The following RORB variants were observed in gnomAD, a reference collection of about 807,000 sequenced individuals.
RORB encodes the protein nuclear receptor ROR-beta.
RORB carries 6 observed loss-of-function variants against 59.1 expected under a neutral mutation model. The ratio of observed to expected loss-of-function variants is 0.10; its 90% CI spans 0.06 to 0.20. The LOEUF (loss-of-function observed/expected upper bound fraction) is 0.20. Ranked by LOEUF, RORB falls within the 10% of genes least tolerant of loss-of-function variation. RORB has a pLI of 1.00. For missense variants in RORB, 320 were observed against 560.5 expected, an observed-to-expected ratio of 0.57 and a Z score of 4.33; for synonymous variants, 215 against 204.5, an observed-to-expected ratio of 1.05 and a Z score of -0.44.
chr9:74,635,142 C>A (rs1037574178), intron 3 of RORB, among the ~76,000 whole-genome samples: 9 of 152,132 alleles, frequency 5.9e-5, no homozygotes, highest in African/African-American at 2.2e-4. Flanking sequence ...AGGACCACAT[C>A]TGAGTATGTT....
intron 1 of RORB, among the ~76,000 whole-genome samples, chr9:74,574,257 G>A (rs540771432): frequency 3.3e-5 from 5 of 152,148 alleles, no homozygotes; most frequent in South Asian, 4.1e-4. Flanking sequence ...TCAGTTTCAG[G>A]GGTCCTCCGT....
intron 1 of RORB, among the ~76,000 whole-genome samples, chr9:74,567,442 T>C (rs1822486007): frequency 6.6e-6 from 1 of 152,154 alleles, no homozygotes; most frequent in South Asian, 2.1e-4. Context: ...CACATTTTCT[T>C]CTTGGTTGCT....
intron 1 of RORB, among the ~76,000 whole-genome samples, chr9:74,625,341 T>C (rs1823493059): frequency 1.3e-5 from 2 of 152,176 alleles, no homozygotes; most frequent in Non-Finnish European, 2.9e-5. Flanking sequence ...AGACCCAGCA[T>C]GGTGGCTCAT....
At chr9:74,513,979 T>C (rs949913100) in intron 1 of RORB, among the ~76,000 whole-genome samples, 1 of 152,096 alleles carries the variant, frequency 6.6e-6, no homozygotes, top group African/African-American at 2.4e-5. Flanking sequence ...CCATGGTTTT[T>C]CAGGTCCGTA....
chr9:74,674,378 T>A (rs1350725656), intron 9 of RORB, among the ~76,000 whole-genome samples: 1 of 152,142 alleles, frequency 6.6e-6, no homozygotes, highest in Non-Finnish European at 1.5e-5. Flanking sequence ...GTACCCGAAA[T>A]GTTGTGTTGA....
intron 1 of RORB, among the ~76,000 whole-genome samples, chr9:74,590,525 G>A (rs1175358355): frequency 3.3e-5 from 5 of 152,070 alleles, no homozygotes; most frequent in Admixed American, 3.3e-4. Context: ...TTCCTCACCT[G>A]TACATGAAAT....
At chr9:74,625,705 A>G (rs563273858) in intron 1 of RORB, among the ~76,000 whole-genome samples, 1 of 152,330 alleles carries the variant, frequency 6.6e-6, no homozygotes, top group East Asian at 1.9e-4. Context: ...TAGAACCACT[A>G]CTTTAAGGAG....
chr9:74,568,525 C>A (rs1230624717), intron 1 of RORB, among the ~76,000 whole-genome samples: 5 of 151,670 alleles, frequency 3.3e-5, no homozygotes, highest in African/African-American at 1.2e-4. Context: ...GATGGTGAAA[C>A]CCCGTCTCTA....
At chr9:74,641,922 AT>A (rs1221645628) in intron 3 of RORB, among the ~76,000 whole-genome samples, 4 of 152,084 alleles carry the variant, frequency 2.6e-5, no homozygotes, top group African/African-American at 9.7e-5. Context: ...GAAAATTATT[AT>A]AAAAAATAAA....
intron 1 of RORB, among the ~76,000 whole-genome samples, chr9:74,513,441 C>A (rs898801050): frequency 6.6e-6 from 1 of 151,848 alleles, no homozygotes; most frequent in African/African-American, 2.4e-5. Flanking sequence ...TTTGCACCAA[C>A]CTAATAAATA....
At chr9:74,555,402 A>G (rs532181704) in intron 1 of RORB, among the ~76,000 whole-genome samples, 2 of 152,364 alleles carry the variant, frequency 1.3e-5, no homozygotes, top group South Asian at 4.1e-4. Context: ...GATGGAGAAG[A>G]ATCCAGAAAC....
rs187854657 is a variant in RORB, at chr9:74,565,186, A to T, written c.8-65096A>T. On this transcript the variant is annotated intron_variant, in intron 1 of 9. Coordinates refer to ENST00000376896, the MANE Select transcript of RORB (RefSeq NM_006914.4). ...GACATGAATACCAGATATCAGAATA[A>T]CTCTGAGCTAAAAACACCCAATCTT... 7.7e-3 allele frequency among the ~76,000 whole-genome samples: 1,168 copies of T among 152,288 alleles called. 15 individuals carry two copies. Among genetic ancestry groups the T allele is most frequent in the African/African-American group, 0.027 (1,104 of 41,560 alleles).
chr9:74,553,055 G>C (rs531436158), intron 1 of RORB, among the ~76,000 whole-genome samples: 2 of 152,238 alleles, frequency 1.3e-5, no homozygotes, highest in East Asian at 3.9e-4. Flanking sequence ...ACTTAGGGTG[G>C]ATGCGTTCGG....
chr9:74,600,029 T>C (rs1482824436), intron 1 of RORB, among the ~76,000 whole-genome samples: 1 of 152,196 alleles, frequency 6.6e-6, no homozygotes, highest in African/African-American at 2.4e-5. Flanking sequence ...GACTTATATC[T>C]ACCTCTCAGA....
chr9:74,514,021 C>A (rs1342503688), intron 1 of RORB, among the ~76,000 whole-genome samples: 4 of 152,068 alleles, frequency 2.6e-5, no homozygotes, highest in Admixed American at 1.3e-4. Context: ...TTAGAAACTG[C>A]ATTAGTCAAG....
intron 1 of RORB, among the ~76,000 whole-genome samples, chr9:74,622,603 T>C (rs1484155653): frequency 7.2e-6 from 1 of 138,880 alleles, no homozygotes; most frequent in Non-Finnish European, 1.5e-5. Context: ...CTCAGCTCAC[T>C]GCAACCTCCA....
intron 3 of RORB, among the ~76,000 whole-genome samples, chr9:74,635,627 C>T (rs895211829): frequency 6.6e-6 from 1 of 152,142 alleles, no homozygotes; most frequent in Non-Finnish European, 1.5e-5. Flanking sequence ...TCAGGCTCTG[C>T]TTAAAAGCAC....
intron 4 of RORB, among the ~76,000 whole-genome samples, chr9:74,655,890 G>A (rs866161885): frequency 1.3e-5 from 2 of 152,314 alleles, no homozygotes; most frequent in Middle Eastern, 6.8e-3. Flanking sequence ...GCTCACCTCT[G>A]CACTGCAGAA....
intron 1 of RORB, among the ~76,000 whole-genome samples, chr9:74,518,472 AGACT>A (rs1000571969): frequency 6.6e-6 from 1 of 151,984 alleles, no homozygotes; most frequent in African/African-American, 2.4e-5. Context: ...CACAAAAGAC[AGACT>A]GTCTTCTGGG....
Sources: gnomAD v4.1 joint callset for allele counts (sites outside exome capture counted in the v4.1 genomes callset) on GRCh38, gnomAD v4.1.1 for gene constraint, MANE v1.5 for transcripts, NCBI Gene and HGNC (gene_info 2026-07-23, HGNC 2026-07-21) for gene names.